Variants in DOCK8 observed in about 807,000 individuals in gnomAD.
The protein encoded by DOCK8 is dedicator of cytokinesis protein 8.
DOCK8 carries 141 observed loss-of-function variants against 245.6 expected under a neutral mutation model. The observed-to-expected ratio is 0.57, with a 90% CI of 0.50 to 0.66. The LOEUF (loss-of-function observed/expected upper bound fraction) is 0.66. Ranked by LOEUF, DOCK8 falls within the 30% of genes least tolerant of loss-of-function variation. The pLI is 0.00. For missense variants in DOCK8, 2,965 were observed against 2,603.4 expected, an observed-to-expected ratio of 1.14 and a Z score of -3.02; for synonymous variants, 1,168 against 970.2, an observed-to-expected ratio of 1.20 and a Z score of -3.79.
Position 312,077 on chromosome 9 carries a change from A to G in DOCK8, c.652A>G (p.Ser218Gly), listed in dbSNP as rs773852666. Residue 218 changes from serine to glycine, a missense_variant, in exon 6 of 48, where the codon AGT (serine) becomes GGT (glycine). Physicochemically the swap from Ser to Gly is moderately conservative, Grantham distance 56. This residue lies in a region of DOCK8 where 2,825 missense variants were observed against 2,453.5 expected (regional missense o/e 1.15). Transcript: ENST00000432829. The part of the protein sequence containing the change: ...KRLENLLQQV[S>G]AEDFEKQNEE... ...GCTAGAAAACCTCCTGCAGCAAGTG[A>G]GTGCCGAGGACTTTGAGAAGCAGAA... is the stretch of plus-strand genomic sequence containing the variant. 1.5e-5 allele frequency: 25 copies of G among 1,614,226 alleles called. No individual in the cohort carries two copies. Among genetic ancestry groups the G allele is most frequent in the Non-Finnish European group, 2.0e-5 (24 of 1,180,038 alleles).
chr9:218,742 A>G (rs987843889), intron 1 of DOCK8, among the ~76,000 whole-genome samples: 3 of 152,228 alleles, frequency 2.0e-5, no homozygotes, highest in Non-Finnish European at 4.4e-5. Context: ...AACCTTGGAT[A>G]AAGAGGACGA....
At chr9:221,681 G>T (rs1351192384) in intron 1 of DOCK8, among the ~76,000 whole-genome samples, 1 of 151,660 alleles carries the variant, frequency 6.6e-6, no homozygotes, top group African/African-American at 2.4e-5. Flanking sequence ...AATTAGCCAG[G>T]TGTGGTGGCA....
At chr9:363,715 T>C (rs192446535) in intron 14 of DOCK8, among the ~76,000 whole-genome samples, 47 of 152,272 alleles carry the variant, frequency 3.1e-4, no homozygotes, top group African/African-American at 1.1e-3. Context: ...CTTCCAGCTG[T>C]GTGCTCGGTG....
intron 43 of DOCK8, among the ~76,000 whole-genome samples, chr9:445,531 T>C (rs2057227077): frequency 6.6e-6 from 1 of 152,230 alleles, no homozygotes; most frequent in South Asian, 2.1e-4. Context: ...TTTTGGTGTT[T>C]AGTTCTATGA....
At chr9:417,856 A>G (rs2056093358) in intron 29 of DOCK8, among the ~76,000 whole-genome samples, 1 of 152,250 alleles carries the variant, frequency 6.6e-6, no homozygotes, top group Non-Finnish European at 1.5e-5. Flanking sequence ...ACACAATTTG[A>G]AAAATTAATT....
chr9:332,325 T>C, intron 9 of DOCK8, 73 bp from the exon 10 acceptor site: 1 of 1,034,800 alleles, frequency 9.7e-7, no homozygotes, highest in Admixed American at 1.8e-5. Context: ...AAAATGTAAT[T>C]TTGATGGTTG....
intron 1 of DOCK8, among the ~76,000 whole-genome samples, chr9:265,075 G>C (rs2048006144): frequency 6.6e-6 from 1 of 152,138 alleles, no homozygotes; most frequent in African/African-American, 2.4e-5. Context: ...GGGATTACAT[G>C]CACCTGCCAC....
At chr9:333,442 A>G (rs2051136661) in intron 10 of DOCK8, among the ~76,000 whole-genome samples, 1 of 152,150 alleles carries the variant, frequency 6.6e-6, no homozygotes, top group African/African-American at 2.4e-5. Flanking sequence ...TCTGCTAAAA[A>G]TACAAAAAAT....
At chr9:236,121 A>G (rs1017461629) in intron 1 of DOCK8, among the ~76,000 whole-genome samples, 2 of 152,170 alleles carry the variant, frequency 1.3e-5, no homozygotes, top group Admixed American at 6.5e-5. Context: ...ATGGCCCCCA[A>G]GGTACCACTG....
rs1225063252 is a variant in DOCK8 at position 373,115 on chromosome 9, T to C, written c.2109+829T>C. ...CTGGGAAGTGGAGGTTGCAGTGAGC[T>C]GAGATCACACCACTGCACTGCAGCC... On this transcript the variant is annotated intron_variant, in intron 18 of 47. Transcript: ENST00000432829. Among the ~76,000 whole-genome samples, 9 of 152,174 alleles carry C rather than the reference T, an allele frequency of 5.9e-5. No homozygotes were observed. The East Asian group carries it at 1.7e-3, about 29-fold the overall frequency.
intron 1 of DOCK8, among the ~76,000 whole-genome samples, chr9:234,508 A>G (rs1055419686): frequency 2.6e-5 from 4 of 152,132 alleles, no homozygotes; most frequent in African/African-American, 9.7e-5. Context: ...ACTTGGTTCC[A>G]TTCTCCCTGT....
chr9:354,800 G>A (rs1304521862), intron 14 of DOCK8, among the ~76,000 whole-genome samples: 4 of 152,142 alleles, frequency 2.6e-5, no homozygotes, highest in East Asian at 1.9e-4. Context: ...AATTGGCTTC[G>A]TCAAAACAAG....
intron 1 of DOCK8, among the ~76,000 whole-genome samples, chr9:233,864 G>C (rs142971351): frequency 0.16 from 24,466 of 151,904 alleles, 2,264 homozygotes; most frequent in East Asian, 0.4. Context: ...TTGCCAGTCT[G>C]TGTCTTTTAA....
chr9:400,370 CCTCCTTCACCAT>C (rs2054847542), intron 26 of DOCK8, among the ~76,000 whole-genome samples: 2 of 90,912 alleles, frequency 2.2e-5, no homozygotes, highest in African/African-American at 9.2e-5. Flanking sequence ...ACCATCACCA[CCTCCTTCACCAT>C]CACCATCACC....
chr9:303,258 C>T lies in DOCK8; in HGVS notation c.405-1323C>T, dbSNP rs148173996. Among the ~76,000 whole-genome samples the T allele has an allele frequency of 5.4e-3, 821 of 152,132 alleles. 20 individuals are homozygous for T. The highest frequency in any genetic ancestry group is 1.2e-3 in the Non-Finnish European group (81 of 67,984). The stretch of plus-strand genomic sequence containing the variant: ...CTGAAAGAACTTAAAACAGAACTAC[C>T]ATTCAACCCAGCAATCCCACTACTG... On this transcript the variant is annotated intron_variant, in intron 4 of 47. Transcript: ENST00000432829.
At chr9:274,541 G>T in intron 2 of DOCK8, among the ~76,000 whole-genome samples, 1 of 134,148 alleles carries the variant, frequency 7.5e-6, no homozygotes, top group East Asian at 2.2e-4. Context: ...TCTCCATAAT[G>T]TTTACCTGGT....
chr9:317,016 A>G (rs1453731935), intron 6 of DOCK8, 27 bp from the exon 7 acceptor site: 1 of 1,577,572 alleles, frequency 6.3e-7, no homozygotes, highest in East Asian at 2.2e-5. Flanking sequence ...TTCACTAATG[A>G]TTTCCTTACG....
chr9:343,283 A>G (rs1255556205), intron 14 of DOCK8, among the ~76,000 whole-genome samples: 1 of 152,140 alleles, frequency 6.6e-6, no homozygotes, highest in Non-Finnish European at 1.5e-5. Flanking sequence ...GCTTGAGTCT[A>G]GGAGTTTAAG....
Position 227,694 on chromosome 9 carries a change from A to T in DOCK8, c.53+12665A>T, listed in dbSNP as rs142175720. ...GCTTGAAATACAGGCTTGGGGCATCAGTGGTAGGTCAGCATGGAAAATGTT... is the reference window on the plus strand; with the variant it reads ...GCTTGAAATACAGGCTTGGGGCATCTGTGGTAGGTCAGCATGGAAAATGTT... On this transcript the variant is annotated intron_variant, in intron 1 of 47. Transcript: ENST00000432829. Among the ~76,000 whole-genome samples, 68 of 152,286 alleles carry T rather than the reference A, an allele frequency of 4.5e-4. 1 individual carries two copies. Among genetic ancestry groups the T allele is most frequent in the Non-Finnish European group, 7.2e-4 (49 of 68,026 alleles).
Sources: allele counts gnomAD v4.1 joint callset (sites outside exome capture counted in the v4.1 genomes callset), GRCh38; gene constraint gnomAD v4.1.1; regional missense constraint gnomAD v4.1.1; transcripts MANE v1.5; gene names NCBI Gene and HGNC (gene_info 2026-07-23, HGNC 2026-07-21).